FILIP1: variants seen among roughly 807,000 people sequenced by gnomAD.
FILIP1 encodes filamin-A-interacting protein 1.
FILIP1 carries 61 observed loss-of-function variants against 102.1 expected under a neutral mutation model. The ratio of observed to expected loss-of-function variants is 0.60; its 90% CI spans 0.49 to 0.74. The LOEUF is 0.74. FILIP1 is among the 30% of genes least tolerant of loss of function. The pLI, the probability that FILIP1 is intolerant of heterozygous loss-of-function variation, is 0.00. For missense variants in FILIP1, 1,314 were observed against 1,441.2 expected (o/e 0.91, Z 1.43); for synonymous variants, 491 against 526.9 (o/e 0.93, Z 0.93).
At chr6:75,409,592 C>T (rs1776985920) in intron 2 of FILIP1, among the ~76,000 whole-genome samples, 2 of 152,048 alleles carry the variant, frequency 1.3e-5, no homozygotes, top group African/African-American at 4.8e-5. Context: ...TAATGAAAAA[C>T]CACGAAACTA....
chr6:75,408,988 A>G (rs1345297700), intron 2 of FILIP1, among the ~76,000 whole-genome samples: 1 of 152,166 alleles, frequency 6.6e-6, no homozygotes, highest in African/African-American at 2.4e-5. Context: ...TGTACCAAAC[A>G]TTGAGGCTCA....
intron 1 of FILIP1, among the ~76,000 whole-genome samples, chr6:75,466,671 A>ATTAAGAGATCAACT (rs1313403896): frequency 6.6e-6 from 1 of 152,222 alleles, no homozygotes; most frequent in Admixed American, 6.5e-5. Flanking sequence ...GAGGACCTAG[A>ATTAAGAGATCAACT]TTAAGAGATC....
In FILIP1 at chr6:75,456,950, G is replaced by A. The variant is rs945791566; in HGVS notation, c.-7+36464C>T. On this transcript the variant is annotated intron_variant, in intron 1 of 5. Transcript: ENST00000237172. The stretch of plus-strand genomic sequence containing the variant: ...ATGATATGGAAGTTTGTAAAAGAGA[G>A]GAAAAATTTTATGCTGTTCAGCCTT... Among the ~76,000 whole-genome samples, 3 of 152,080 alleles carry A rather than the reference G, an allele frequency of 2.0e-5. No homozygotes were observed. In the East Asian group the frequency reaches 5.8e-4, roughly 29 times the overall value.
At chr6:75,293,704 C>G (rs994412644) in exon 7 of FILIP1, 1 of 152,042 alleles carries the variant, frequency 6.6e-6, no homozygotes, top group Non-Finnish European at 1.5e-5. Context: ...AAAATCTTAT[C>G]CTCTAACATT....
chr6:75,444,844 C>A (rs771753419), intron 1 of FILIP1, among the ~76,000 whole-genome samples: 5 of 152,074 alleles, frequency 3.3e-5, no homozygotes, highest in Non-Finnish European at 7.4e-5. Flanking sequence ...CCAGCAATAC[C>A]CTAGGACAGG....
intron 1 of FILIP1, among the ~76,000 whole-genome samples, chr6:75,415,533 GA>G (rs34828375): frequency 0.085 from 6,660 of 78,768 alleles, 163 homozygotes; most frequent in South Asian, 0.11. Context: ...TCACAGTGTG[GA>G]AAAAAAAAAA....
In FILIP1 at chr6:75,315,204, T is replaced by C. The variant is rs1389304158; in HGVS notation, c.630-2A>G. On this transcript the variant is annotated splice_acceptor_variant, in intron 4 of 5. Transcript: ENST00000237172. LOFTEE classifies it high-confidence loss of function. ...TCTTGTTCAAGGAGCTTTTTTAACCTAGAAAATAAAATATACCTATATGTT... is the reference window on the plus strand; with the variant it reads ...TCTTGTTCAAGGAGCTTTTTTAACCCAGAAAATAAAATATACCTATATGTT... 1 of 1,521,650 alleles carries C rather than the reference T, an allele frequency of 6.6e-7. No homozygotes were observed. The allele number at this position is 1,521,650 out of a possible 1,614,324, so 94.3% of individuals were successfully genotyped here. A position where few individuals can be genotyped will look rare whatever the true frequency, so the allele number is the denominator to read the frequency against.
intron 4 of FILIP1, among the ~76,000 whole-genome samples, chr6:75,338,965 G>T (rs78980779): frequency 0.021 from 3,204 of 151,866 alleles, 62 homozygotes; most frequent in Non-Finnish European, 0.032. Context: ...TTCAGTTCAT[G>T]AAAAAAAATC....
At chr6:75,404,270 T>A (rs1376981076) in intron 2 of FILIP1, among the ~76,000 whole-genome samples, 1 of 152,120 alleles carries the variant, frequency 6.6e-6, no homozygotes, top group African/African-American at 2.4e-5. Context: ...AACACTGCCG[T>A]ACCAGAAACC....
At chr6:75,321,229 TTTTG>T (rs1562454959) in intron 4 of FILIP1, among the ~76,000 whole-genome samples, 3 of 152,090 alleles carry the variant, frequency 2.0e-5, no homozygotes, top group Non-Finnish European at 2.9e-5. Context: ...TTTTGTTTTG[TTTTG>T]TTTTTTGTTT....
chr6:75,352,038 T>C (rs553768270), intron 4 of FILIP1, among the ~76,000 whole-genome samples: 4 of 152,220 alleles, frequency 2.6e-5, no homozygotes, highest in Non-Finnish European at 5.9e-5. Context: ...TAGCCATTGT[T>C]CACTTTTCCA....
rs776226164 is a variant in FILIP1 at position 75,326,068 on chromosome 6, T to TGATA, written c.630-10870_630-10867dup. Among the ~76,000 whole-genome samples the TGATA allele has an allele frequency of 9.3e-3, 1,381 of 149,170 alleles. 10 individuals carry two copies. Among genetic ancestry groups the TGATA allele is most frequent in the Admixed American group, 0.017 (258 of 14,848 alleles). ...ATATAGATAATAGACAGATGATAGA[T>TGATA]GATAGATAGATAGATAGATAGATAG... On this transcript the variant is annotated intron_variant, in intron 4 of 5. Transcript: ENST00000237172.
intron 1 of FILIP1, among the ~76,000 whole-genome samples, chr6:75,467,579 A>G (rs1350149132): frequency 1.3e-5 from 2 of 152,182 alleles, no homozygotes; most frequent in African/African-American, 4.8e-5. Context: ...CATCCTCCCA[A>G]GGTTTTGAAG....
At chr6:75,358,621 G>C (rs1029023614) in intron 3 of FILIP1, 1 of 152,208 alleles carries the variant, frequency 6.6e-6, no homozygotes, top group Non-Finnish European at 1.5e-5. Context: ...AATCTGGGAA[G>C]ATCAGGGTAA....
In FILIP1 at chr6:75,477,356, A is replaced by G. The variant is rs75919663; in HGVS notation, c.-7+16058T>C. On this transcript the variant is annotated intron_variant, in intron 1 of 5. Transcript: ENST00000237172. ...ACAGGAAGAATAAGTTTTGAGATCT[A>G]TGCCACAGCAGAATGACTACAATCA... 6.8e-3 allele frequency among the ~76,000 whole-genome samples: 1,035 copies of G among 152,254 alleles called. 11 individuals are homozygous for G. The highest frequency in any genetic ancestry group is 0.024 in the African/African-American group (986 of 41,554).
chr6:75,336,072 ATTGTTTTGTTTTTTGTTG>A (rs1245665879), intron 4 of FILIP1, among the ~76,000 whole-genome samples: 10 of 152,170 alleles, frequency 6.6e-5, no homozygotes, highest in African/African-American at 2.2e-4. Context: ...CCAATTAGTT[ATTGTTTTGTTTTTTGTTG>A]TTGTTTTGTT....
At chr6:75,488,672 C>A (rs1414803214) in intron 1 of FILIP1, among the ~76,000 whole-genome samples, 1 of 152,046 alleles carries the variant, frequency 6.6e-6, no homozygotes, top group Non-Finnish European at 1.5e-5. Flanking sequence ...AGAGACTTAT[C>A]CTTTCAACTG....
At chr6:75,302,310 A>G (rs1772860927) in intron 6 of FILIP1, among the ~76,000 whole-genome samples, 1 of 152,184 alleles carries the variant, frequency 6.6e-6, no homozygotes, top group African/African-American at 2.4e-5. Flanking sequence ...GTTCTCACAC[A>G]GGACTTGTTA....
chr6:75,312,584 C>A lies in FILIP1; in HGVS notation c.3248G>T (p.Gly1083Val), dbSNP rs1183563976. 6.2e-7 allele frequency: 1 copy of A among 1,614,206 alleles called. No homozygotes were observed. Among genetic ancestry groups the A allele is most frequent in the East Asian group, 2.2e-5 (1 of 44,888 alleles). Residue 1083 changes from glycine to valine, a missense_variant, in exon 5 of 6, where the codon GGT (glycine) becomes GTT (valine). Physicochemically the swap from Gly to Val is moderately radical, Grantham distance 109. This residue lies in a region of FILIP1 where 816 missense variants were observed against 913.1 expected (regional missense o/e 0.89). Coordinates refer to ENST00000237172, the MANE Select transcript of FILIP1 (RefSeq NM_015687.5). ...AGTAATAACTGGACTGACTCCTTCACCTGAAGTCCCAGGGGACCGTTTAAA... is the reference window on the plus strand; with the variant it reads ...AGTAATAACTGGACTGACTCCTTCAACTGAAGTCCCAGGGGACCGTTTAAA... ...SQFKRSPGTS[G>V]EGVSPVITVR...
Sources: gnomAD v4.1 joint callset for allele counts (sites outside exome capture counted in the v4.1 genomes callset) on GRCh38, gnomAD v4.1.1 for gene constraint, gnomAD v4.1.1 regional missense constraint, MANE v1.5 for transcripts, NCBI Gene and HGNC (gene_info 2026-07-23, HGNC 2026-07-21) for gene names.